DPYSL2: variants seen among roughly 807,000 people sequenced by gnomAD.
The protein encoded by DPYSL2 is dihydropyrimidinase like 2.
DPYSL2 carries 13 observed loss-of-function variants against 69.9 expected under a neutral mutation model. The observed-to-expected ratio is 0.19, with a 90% CI of 0.12 to 0.30. The LOEUF is 0.30. DPYSL2 is among the 10% of genes least tolerant of loss of function. DPYSL2 has a pLI of 1.00. For synonymous variants in DPYSL2, 326 were observed against 359.1 expected, an observed-to-expected ratio of 0.91 and a Z score of 1.04; for missense variants, 587 against 918.9, an observed-to-expected ratio of 0.64 and a Z score of 4.67.
At chr8:26,577,993 TTCTCTC>T (rs756432252) in intron 1 of DPYSL2, 370 of 1,202,454 alleles carry the variant, frequency 3.1e-4, no homozygotes, top group Middle Eastern at 1.3e-3. Context: ...CTCTCTCTCC[TTCTCTC>T]TCTCTCTCTC....
In DPYSL2 at chr8:26,610,662, C is replaced by T. The variant is rs1395043972; in HGVS notation, c.629-13481C>T. ...CCTCTGTCCTAGCCTATCCCCCCTG[C>T]TCTCCCCTGGCATAGAAGGGTGCAT... On this transcript the variant is annotated intron_variant, in intron 3 of 13. Coordinates refer to ENST00000521913, the MANE Select transcript of DPYSL2 (RefSeq NM_001197293.3). This position sits in a 1 kb window ranked among gnomAD's most constrained non-coding sequence, Gnocchi z 4.5. 6.6e-6 allele frequency among the ~76,000 whole-genome samples: 1 copy of T among 152,100 alleles called. No individual in the cohort carries two copies. The highest frequency in any genetic ancestry group is 1.5e-5 in the Non-Finnish European group (1 of 68,036).
intron 8 of DPYSL2, among the ~76,000 whole-genome samples, chr8:26,638,395 G>A (rs1044305871): frequency 1.3e-5 from 2 of 152,310 alleles, no homozygotes; most frequent in Middle Eastern, 3.4e-3. Flanking sequence ...CCTTCTCTTA[G>A]TGATCCACAT....
In DPYSL2 at chr8:26,515,653, T is replaced by C. The variant is rs577016521; in HGVS notation, c.354+974T>C. 2.6e-5 allele frequency among the ~76,000 whole-genome samples: 4 copies of C among 152,394 alleles called. No individual in the cohort carries two copies. The East Asian group carries it at 7.7e-4, about 29-fold the overall frequency. On this transcript the variant is annotated intron_variant, in intron 1 of 13. Transcript: ENST00000521913. ...CTCACACCACAATTCTTTCTTTATC[T>C]GAGTGATCCTTACACTAGTGTAATT... is the stretch of plus-strand genomic sequence containing the variant.
intron 7 of DPYSL2, among the ~76,000 whole-genome samples, chr8:26,631,578 T>A (rs1417855651): frequency 2.6e-5 from 4 of 152,282 alleles, no homozygotes; most frequent in South Asian, 4.1e-4. Flanking sequence ...CATTTTTACG[T>A]GATTAGGCCC....
chr8:26,541,711 T>G (rs1800686841), intron 1 of DPYSL2, among the ~76,000 whole-genome samples: 1 of 152,208 alleles, frequency 6.6e-6, no homozygotes, highest in Non-Finnish European at 1.5e-5. Flanking sequence ...GTAGTGTTTT[T>G]TTATACATTT....
intron 1 of DPYSL2, among the ~76,000 whole-genome samples, chr8:26,541,077 A>T (rs901046520): frequency 1.3e-5 from 2 of 152,216 alleles, no homozygotes; most frequent in Admixed American, 6.5e-5. Flanking sequence ...CATGTTGGGA[A>T]TCTTCTGCAC....
chr8:26,629,763 T>TA (rs1296864797), intron 7 of DPYSL2, among the ~76,000 whole-genome samples: 15 of 152,178 alleles, frequency 9.9e-5, no homozygotes, highest in African/African-American at 2.4e-4. Context: ...TATTTTATTT[T>TA]TTTTCCTTTT....
chr8:26,604,675 CAA>C (rs1248945084), intron 3 of DPYSL2, among the ~76,000 whole-genome samples: 2 of 150,800 alleles, frequency 1.3e-5, no homozygotes, highest in Non-Finnish European at 3.0e-5. Flanking sequence ...TTTTTTGAGA[CAA>C]GAGTCTTGCT....
chr8:26,515,120 G>T (rs911313283), intron 1 of DPYSL2, among the ~76,000 whole-genome samples: 2 of 152,196 alleles, frequency 1.3e-5, no homozygotes, highest in Non-Finnish European at 2.9e-5. Flanking sequence ...CCCGGTGGTC[G>T]GGAGGGGCGG....
At chr8:26,625,101 A>G (rs1221712772) in intron 4 of DPYSL2, among the ~76,000 whole-genome samples, 1 of 152,212 alleles carries the variant, frequency 6.6e-6, no homozygotes, top group Non-Finnish European at 1.5e-5. Context: ...ATCTCTAGGT[A>G]CTAGAATGAT....
rs1254621495 is a variant in DPYSL2 at position 26,517,206 on chromosome 8, C to T, written c.354+2527C>T. Among the ~76,000 whole-genome samples, 1 of 152,160 alleles carries T rather than the reference C, an allele frequency of 6.6e-6. No homozygotes were observed. The highest frequency in any genetic ancestry group is 1.9e-4 in the East Asian group (1 of 5,192). Reference sequence around the variant, plus strand: ...TGTTGCACTAAGAGGCCTGCTGTTCCCCTAACAAGGCTTTGGGAAGGGAGA... The same window carrying T: ...TGTTGCACTAAGAGGCCTGCTGTTCTCCTAACAAGGCTTTGGGAAGGGAGA... On this transcript the variant is annotated intron_variant, in intron 1 of 13. Coordinates refer to ENST00000521913, the MANE Select transcript of DPYSL2 (RefSeq NM_001197293.3). This position sits in a 1 kb window ranked among gnomAD's most constrained non-coding sequence, Gnocchi z 4.2.
At chr8:26,569,011 G>A (rs1018482088) in intron 1 of DPYSL2, among the ~76,000 whole-genome samples, 1 of 152,098 alleles carries the variant, frequency 6.6e-6, no homozygotes, top group Non-Finnish European at 1.5e-5. Context: ...TAGAACCTAG[G>A]CCATGAGACC....
intron 3 of DPYSL2, among the ~76,000 whole-genome samples, chr8:26,592,315 G>A (rs1801745154): frequency 6.6e-6 from 1 of 152,088 alleles, no homozygotes; most frequent in Non-Finnish European, 1.5e-5. Flanking sequence ...ACTACACCCG[G>A]CTAATTTTTT....
At chr8:26,635,296 G>C (rs753788711) in intron 8 of DPYSL2, among the ~76,000 whole-genome samples, 25 of 152,236 alleles carry the variant, frequency 1.6e-4, no homozygotes, top group Non-Finnish European at 4.4e-5. Flanking sequence ...GATTTCTGCC[G>C]GGGTATGTAA....
At position 26,648,476 on chromosome 8, in the gene DPYSL2, C is replaced by A. The variant is rs9644118; in HGVS notation, c.1596+676C>A. Among the ~76,000 whole-genome samples the A allele has an allele frequency of 0.49, 73,798 of 151,928 alleles. 18,664 individuals are homozygous for A. Among genetic ancestry groups the A allele is most frequent in the Non-Finnish European group, 0.57 (38,627 of 67,950 alleles). On this transcript the variant is annotated intron_variant, in intron 11 of 13. Transcript: ENST00000521913. This position sits in a 1 kb window ranked among gnomAD's most constrained non-coding sequence, Gnocchi z 4.3. ...CTCAGCTGAGAGTGAGGGGTTCAGA[C>A]GAGGTCTCCAAGTGTCCTGTGATTC...
chr8:26,643,316 A>G lies in DPYSL2; in HGVS notation c.1127-123A>G. ...TTTCCTCATCTGCGAGATGAGCCTG[A>G]TATTTCCTATAAAGGGATAGTGAGT... is the stretch of plus-strand genomic sequence containing the variant. On this transcript the variant is annotated intron_variant, in intron 8 of 13. Transcript: ENST00000521913. This position sits in a 1 kb window ranked among gnomAD's most constrained non-coding sequence, Gnocchi z 6.5. The G allele has an allele frequency of 9.4e-7, 1 of 1,060,028 alleles. No individual in the cohort carries two copies. The highest frequency in any genetic ancestry group is 1.3e-6 in the Non-Finnish European group (1 of 747,864). 65.7% of individuals were successfully genotyped at this position (1,060,028 alleles called of 1,614,324 possible). A position where few individuals can be genotyped will look rare whatever the true frequency, so the allele number is the denominator to read the frequency against.
rs1808250366 is a variant in DPYSL2, at chr8:26,514,868, G to T, written c.354+189G>T. ...GCGAGGCTCGGGCTGGGCGGTGGGC[G>T]GCCGTGCGCCCACAAAGGCTGCCCG... On this transcript the variant is annotated intron_variant, in intron 1 of 13. Transcript: ENST00000521913. This position sits in a 1 kb window ranked among gnomAD's most constrained non-coding sequence, Gnocchi z 8.4. Among the ~76,000 whole-genome samples the T allele has an allele frequency of 6.6e-6, 1 of 152,208 alleles. No homozygotes were observed. Among genetic ancestry groups the T allele is most frequent in the Admixed American group, 6.5e-5 (1 of 15,290 alleles).
intron 1 of DPYSL2, among the ~76,000 whole-genome samples, chr8:26,526,668 A>C (rs1456664240): frequency 6.6e-6 from 1 of 152,230 alleles, no homozygotes; most frequent in Non-Finnish European, 1.5e-5. Flanking sequence ...GCTCTCTATC[A>C]TGTTAAAGAA....
chr8:26,528,264 G>C (rs1808513515), intron 1 of DPYSL2, among the ~76,000 whole-genome samples: 1 of 152,158 alleles, frequency 6.6e-6, no homozygotes, highest in South Asian at 2.1e-4. Context: ...TAGAGAGACA[G>C]GGCCCCTGGC....
Sources: allele counts gnomAD v4.1 joint callset (sites outside exome capture counted in the v4.1 genomes callset), GRCh38; gene constraint gnomAD v4.1.1; non-coding constraint Gnocchi (gnomAD v3.1); transcripts MANE v1.5; gene names NCBI Gene and HGNC (gene_info 2026-07-23, HGNC 2026-07-21).